The following ZNF277 variants were observed in gnomAD, a reference collection of about 807,000 sequenced individuals.
ZNF277 encodes the protein zinc finger protein 277.
A neutral mutation model predicts 60.7 loss-of-function variants in ZNF277; 55 were observed. The ratio of observed to expected loss-of-function variants is 0.91; its 90% CI spans 0.73 to 1.13. The LOEUF is 1.13. ZNF277 is among the 50% of genes most tolerant of loss of function. The pLI is 0.00. For missense variants in ZNF277, 510 were observed against 523.0 expected, an observed-to-expected ratio of 0.98 and a Z score of 0.24; for synonymous variants, 178 against 179.3, an observed-to-expected ratio of 0.99 and a Z score of 0.06.
chr7:112,285,495 C>T (rs1219784320), intron 1 of ZNF277, among the ~76,000 whole-genome samples: 5 of 143,926 alleles, frequency 3.5e-5, no homozygotes, highest in African/African-American at 1.0e-4. Context: ...AGTGCAGTGG[C>T]GCCATCTCAG....
chr7:112,213,308 TA>T (rs1472485432), intron 1 of ZNF277, among the ~76,000 whole-genome samples: 1 of 152,208 alleles, frequency 6.6e-6, no homozygotes, highest in East Asian at 1.9e-4. Context: ...CTTTCTTTTG[TA>T]AATTGCCCAG....
intron 7 of ZNF277, among the ~76,000 whole-genome samples, chr7:112,331,553 G>A (rs1421146151): frequency 1.3e-5 from 2 of 152,108 alleles, no homozygotes; most frequent in East Asian, 3.9e-4. Context: ...GCTTTAGGGT[G>A]GAATTTTGTC....
At chr7:112,326,181 G>C (rs1194650358) in intron 5 of ZNF277, among the ~76,000 whole-genome samples, 2 of 151,868 alleles carry the variant, frequency 1.3e-5, no homozygotes, top group Non-Finnish European at 2.9e-5. Context: ...CCTTGAGTCA[G>C]ATACCATTTC....
chr7:112,282,033 G>A (rs922294239), intron 1 of ZNF277, among the ~76,000 whole-genome samples: 21 of 152,112 alleles, frequency 1.4e-4, no homozygotes, highest in African/African-American at 4.6e-4. Flanking sequence ...GGGTTTCACC[G>A]TGTTGGCCAG....
intron 5 of ZNF277, among the ~76,000 whole-genome samples, chr7:112,325,384 C>G (rs1474060938): frequency 6.6e-6 from 1 of 152,198 alleles, no homozygotes; most frequent in African/African-American, 2.4e-5. Context: ...CAGTCTCCTT[C>G]CAGCTCTTAG....
At chr7:112,229,128 A>C (rs141846254) in intron 1 of ZNF277, among the ~76,000 whole-genome samples, 1 of 152,216 alleles carries the variant, frequency 6.6e-6, no homozygotes, top group Admixed American at 6.5e-5. Context: ...GACAAGACAT[A>C]GTTGTGTATT....
At chr7:112,264,208 G>C (rs1323423161) in intron 1 of ZNF277, among the ~76,000 whole-genome samples, 2 of 151,592 alleles carry the variant, frequency 1.3e-5, no homozygotes, top group Non-Finnish European at 1.5e-5. Context: ...ATATTCATTA[G>C]CTTATGTATA....
intron 1 of ZNF277, among the ~76,000 whole-genome samples, chr7:112,262,145 C>T (rs1265025210): frequency 2.6e-5 from 4 of 151,698 alleles, no homozygotes; most frequent in East Asian, 1.9e-4. Flanking sequence ...TAATAGCTCT[C>T]CTCCTTCCTA....
At chr7:112,250,455 C>T (rs1369597713) in intron 1 of ZNF277, among the ~76,000 whole-genome samples, 3 of 152,126 alleles carry the variant, frequency 2.0e-5, no homozygotes, top group African/African-American at 7.2e-5. Context: ...TGACCCACAC[C>T]TATTCGCACA....
In ZNF277 at chr7:112,343,606, A is replaced by C. The variant is rs1355695029; in HGVS notation, c.*877A>C. 6.6e-6 allele frequency among the ~76,000 whole-genome samples: 1 copy of C among 152,150 alleles called. No individual in the cohort carries two copies. The highest frequency in any genetic ancestry group is 1.5e-5 in the Non-Finnish European group (1 of 68,028). ...TGTAGATTTATACCAAAAATGCATA[A>C]TTTGGATATAATGAAGAAACAGTCA... On this transcript the variant is annotated 3_prime_UTR_variant, in exon 12 of 12. Transcript: ENST00000361822.
intron 1 of ZNF277, among the ~76,000 whole-genome samples, chr7:112,233,824 A>T (rs897479851): frequency 6.6e-6 from 1 of 152,152 alleles, no homozygotes; most frequent in Admixed American, 6.5e-5. Context: ...TGTTATTAAT[A>T]CACCTTTTCT....
At chr7:112,292,518 C>T (rs935185233) in intron 2 of ZNF277, among the ~76,000 whole-genome samples, 7 of 152,068 alleles carry the variant, frequency 4.6e-5, no homozygotes, top group African/African-American at 1.4e-4. Flanking sequence ...TCATTGGTCT[C>T]TGAGGGGAAA....
At chr7:112,310,482 T>A (rs1444240084) in intron 4 of ZNF277, among the ~76,000 whole-genome samples, 3,517 of 92,934 alleles carry the variant, frequency 0.038, 255 homozygotes, top group African/African-American at 0.19. Flanking sequence ...AGAGAGAGTG[T>A]GTGTGTGTGT....
At chr7:112,308,454 T>G (rs922809110) in intron 4 of ZNF277, among the ~76,000 whole-genome samples, 1 of 151,804 alleles carries the variant, frequency 6.6e-6, no homozygotes, top group Admixed American at 6.6e-5. Flanking sequence ...GAGGTGGAGG[T>G]TGCAGTGAGT....
intron 4 of ZNF277, among the ~76,000 whole-genome samples, chr7:112,297,492 A>G (rs1177272347): frequency 6.6e-6 from 1 of 152,212 alleles, no homozygotes; most frequent in East Asian, 1.9e-4. Context: ...CCATAGTCAT[A>G]TAATTTAAGA....
In ZNF277 at chr7:112,342,687, T is replaced by C; in HGVS notation, c.1311T>C (p.Tyr437=). 1 of 1,609,744 alleles carries C rather than the reference T, an allele frequency of 6.2e-7. No homozygotes were observed. Among genetic ancestry groups the C allele is most frequent in the Non-Finnish European group, 8.5e-7 (1 of 1,178,796 alleles). The part of the protein sequence containing the change: ...PIISEDTSKL[Y]ALKQSSILNQ... Reference sequence around the variant, plus strand: ...TCAGTGAAGATACATCTAAACTGTATGCTTTGAAACAAAGCAGTATTTTGA... The same window carrying C: ...TCAGTGAAGATACATCTAAACTGTACGCTTTGAAACAAAGCAGTATTTTGA... The change falls in exon 12 of 12, where the codon TAT becomes TAC. Residue 437 remains tyrosine, a synonymous_variant. Transcript: ENST00000361822.
chr7:112,236,739 T>G (rs1790802770), intron 1 of ZNF277, among the ~76,000 whole-genome samples: 1 of 152,088 alleles, frequency 6.6e-6, no homozygotes, highest in Non-Finnish European at 1.5e-5. Context: ...TCTTTTAAAT[T>G]ACAACCCAAA....
intron 4 of ZNF277, among the ~76,000 whole-genome samples, chr7:112,296,912 ATTTTT>A (rs1170078999): frequency 0.045 from 1,790 of 39,712 alleles, 91 homozygotes; most frequent in Middle Eastern, 0.1. Flanking sequence ...TTATTTATTT[ATTTTT>A]TTTTTTTTTT....
In ZNF277 at chr7:112,329,242, T is replaced by C. The variant is rs557651773; in HGVS notation, c.669-842T>C. 1.8e-4 allele frequency among the ~76,000 whole-genome samples: 28 copies of C among 152,296 alleles called. 1 individual carries two copies. In the South Asian group the frequency reaches 5.6e-3, roughly 30 times the overall value. On this transcript the variant is annotated intron_variant, in intron 6 of 11. Transcript: ENST00000361822. ...TGAGAGTTTCCCATGTAAAATATAT[T>C]ATACTTAGACACTATATGGCTCCAG...
Sources: allele counts gnomAD v4.1 joint callset (sites outside exome capture counted in the v4.1 genomes callset), GRCh38; gene constraint gnomAD v4.1.1; transcripts MANE v1.5; gene names NCBI Gene and HGNC (gene_info 2026-07-23, HGNC 2026-07-21).